The following BMP2K variants were observed in gnomAD, a reference collection of about 807,000 sequenced individuals.
BMP2K encodes BMP-2-inducible protein kinase.
Under a neutral mutation model 116.0 loss-of-function variants are expected in BMP2K, and 74 were observed. That is an observed-to-expected ratio of 0.64 (90% CI 0.53 to 0.77). The LOEUF is 0.77. Ranked by LOEUF, BMP2K falls within the 30% of genes least tolerant of loss-of-function variation. The pLI, the probability that BMP2K is intolerant of heterozygous loss-of-function variation, is 0.00. For synonymous variants in BMP2K, 486 were observed against 502.5 expected, an observed-to-expected ratio of 0.97 and a Z score of 0.44; for missense variants, 1,365 against 1,403.6, an observed-to-expected ratio of 0.97 and a Z score of 0.44.
intron 9 of BMP2K, among the ~76,000 whole-genome samples, chr4:78,863,646 A>G (rs1332929175): frequency 7.2e-5 from 11 of 152,132 alleles, no homozygotes; most frequent in African/African-American, 2.7e-4. Flanking sequence ...GAAGCAGAAA[A>G]ACAGCTCTGT....
chr4:78,820,773 T>C (rs984108387), intron 1 of BMP2K: 1 of 152,498 alleles, frequency 6.6e-6, no homozygotes, highest in African/African-American at 2.4e-5. Context: ...GGTTTCACCA[T>C]GTTGGTCAGG....
chr4:78,795,244 A>G (rs934687901), intron 1 of BMP2K, among the ~76,000 whole-genome samples: 2 of 152,202 alleles, frequency 1.3e-5, no homozygotes, highest in Admixed American at 1.3e-4. Context: ...CCCATTTAAA[A>G]CGTATTCCAG....
intron 2 of BMP2K, among the ~76,000 whole-genome samples, chr4:78,827,931 G>T (rs1029535689): frequency 2.0e-5 from 3 of 152,212 alleles, no homozygotes; most frequent in Non-Finnish European, 2.9e-5. Context: ...TCAATTAAGA[G>T]CTGTTCATAG....
At chr4:78,903,392 TG>T (rs913285228) in intron 15 of BMP2K, among the ~76,000 whole-genome samples, 3 of 152,006 alleles carry the variant, frequency 2.0e-5, no homozygotes, top group Non-Finnish European at 2.9e-5. Context: ...TCTTGAAGTC[TG>T]GTATTGTCTT....
intron 14 of BMP2K, among the ~76,000 whole-genome samples, chr4:78,886,736 T>C (rs1733112647): frequency 6.6e-6 from 1 of 152,156 alleles, no homozygotes; most frequent in African/African-American, 2.4e-5. Context: ...TAAGATATAG[T>C]GAATTACTTT....
chr4:78,866,202 G>A (rs981505300), intron 10 of BMP2K, among the ~76,000 whole-genome samples: 2 of 152,016 alleles, frequency 1.3e-5, no homozygotes, highest in African/African-American at 4.8e-5. Flanking sequence ...CTCATCTAAA[G>A]TATCTCCTAA....
At chr4:78,867,110 T>A (rs942780809) in intron 10 of BMP2K, among the ~76,000 whole-genome samples, 4 of 150,798 alleles carry the variant, frequency 2.7e-5, no homozygotes, top group Non-Finnish European at 5.9e-5. Context: ...AGATGGAGAT[T>A]GCAGTGAGCC....
Position 78,871,009 on chromosome 4 carries a change from G to C in BMP2K, c.1458G>C (p.Gln486His), listed in dbSNP as rs2114202. The C allele has an allele frequency of 0.013, 20,865 of 1,554,992 alleles. 109 individuals carry two copies. The highest frequency in any genetic ancestry group is 0.024 in the African/African-American group (1,763 of 72,988). Reference sequence around the variant, plus strand: ...AGCAGCAGCAGCAGCAGCAGCAGCAGCACCACCACCACCACCACCACCACC... The same window carrying C: ...AGCAGCAGCAGCAGCAGCAGCAGCACCACCACCACCACCACCACCACCACC... ...QQQQQQQQQQ[Q>H]HHHHHHHHLL... is the part of the protein sequence containing the mutation. The change falls in exon 11 of 16, where the codon CAG (glutamine) becomes CAC (histidine). Residue 486 changes from glutamine (Q) to histidine (H), a missense_variant. Coordinates refer to ENST00000502613, the MANE Select transcript of BMP2K (RefSeq NM_198892.2).
At chr4:78,815,551 C>T (rs569557215) in intron 1 of BMP2K, among the ~76,000 whole-genome samples, 68 of 152,092 alleles carry the variant, frequency 4.5e-4, no homozygotes, top group African/African-American at 1.4e-3. Context: ...AGAGAGAAAT[C>T]GCCTGGGGAA....
chr4:78,904,669 A>G (rs1440825817), intron 15 of BMP2K, among the ~76,000 whole-genome samples: 3 of 151,970 alleles, frequency 2.0e-5, no homozygotes, highest in Admixed American at 6.6e-5. Flanking sequence ...TCATTTTCAG[A>G]TAGTAGAATT....
chr4:78,843,036 G>A (rs1363811390), intron 4 of BMP2K, among the ~76,000 whole-genome samples: 1 of 151,864 alleles, frequency 6.6e-6, no homozygotes, highest in Non-Finnish European at 1.5e-5. Flanking sequence ...TTCATCTTCT[G>A]TGGATTCTTG....
chr4:78,886,931 G>A (rs1012279567), intron 14 of BMP2K, among the ~76,000 whole-genome samples: 1 of 152,086 alleles, frequency 6.6e-6, no homozygotes, highest in East Asian at 1.9e-4. Context: ...GTTTATTGTT[G>A]GGTTAATTGT....
At chr4:78,877,755 T>G (rs1352938908) in intron 13 of BMP2K, among the ~76,000 whole-genome samples, 1 of 152,240 alleles carries the variant, frequency 6.6e-6, no homozygotes, top group Non-Finnish European at 1.5e-5. Flanking sequence ...GCTATACTTT[T>G]ATACAACTGG....
chr4:78,863,665 T>C (rs977160061), intron 9 of BMP2K, among the ~76,000 whole-genome samples: 1 of 152,174 alleles, frequency 6.6e-6, no homozygotes, highest in African/African-American at 2.4e-5. Context: ...GTGACTGTTG[T>C]AATAGTGAAA....
intron 15 of BMP2K, among the ~76,000 whole-genome samples, chr4:78,900,146 G>A (rs532235364): frequency 3.3e-5 from 5 of 152,160 alleles, no homozygotes; most frequent in Non-Finnish European, 7.4e-5. Flanking sequence ...TGAAGACGAT[G>A]AGGATGAGGA....
chr4:78,780,203 G>A (rs540214029), intron 1 of BMP2K, among the ~76,000 whole-genome samples: 2 of 152,092 alleles, frequency 1.3e-5, no homozygotes, highest in African/African-American at 4.8e-5. Flanking sequence ...AAATGTCCTT[G>A]GTACAAAATG....
intron 1 of BMP2K, among the ~76,000 whole-genome samples, chr4:78,784,954 G>A (rs1371663618): frequency 1.3e-5 from 2 of 152,182 alleles, no homozygotes; most frequent in East Asian, 3.8e-4. Flanking sequence ...TAAATGAGGA[G>A]CATGGGACAG....
rs752795216 is a variant in BMP2K at position 78,880,604 on chromosome 4, G to A, written c.1951+1713G>A. 2.0e-4 allele frequency among the ~76,000 whole-genome samples: 31 copies of A among 152,222 alleles called. No individual in the cohort carries two copies. The South Asian group carries it at 3.1e-3, about 15-fold the overall frequency. On this transcript the variant is annotated intron_variant, in intron 14 of 15. Transcript: ENST00000502613. ...TGTTATTCTAAGTTCCCTAGAATTT[G>A]TAATGACATCAAAGTAGTTTTATTT...
chr4:78,877,382 C>T (rs1221959881), intron 13 of BMP2K, among the ~76,000 whole-genome samples: 8 of 152,076 alleles, frequency 5.3e-5, no homozygotes, highest in Non-Finnish European at 8.8e-5. Flanking sequence ...TATTCTTATT[C>T]TATAAGTTTT....
Sources: allele counts gnomAD v4.1 joint callset (sites outside exome capture counted in the v4.1 genomes callset), GRCh38; gene constraint gnomAD v4.1.1; transcripts MANE v1.5; gene names NCBI Gene and HGNC (gene_info 2026-07-23, HGNC 2026-07-21).